Variants in GRK3 observed in about 807,000 individuals in gnomAD.
The protein encoded by GRK3 is G protein-coupled receptor kinase 3.
Under a neutral mutation model 95.7 loss-of-function variants are expected in GRK3, and 54 were observed. The observed-to-expected ratio is 0.56, with a 90% CI of 0.45 to 0.71. The LOEUF is 0.71. GRK3 is among the 30% of genes least tolerant of loss of function. The pLI is 0.00. For missense variants in GRK3, 649 were observed against 851.2 expected (o/e 0.76, Z 2.96); for synonymous variants, 281 against 290.8 (o/e 0.97, Z 0.34).
chr22:25,710,190 T>G (rs1439775729), intron 16 of GRK3, among the ~76,000 whole-genome samples: 44 of 152,222 alleles, frequency 2.9e-4, no homozygotes, highest in Admixed American at 2.9e-3. Flanking sequence ...TCACTCTTCA[T>G]TTCTCTAATA....
chr22:25,626,421 T>C (rs1839636636), intron 2 of GRK3, among the ~76,000 whole-genome samples: 2 of 152,146 alleles, frequency 1.3e-5, no homozygotes, highest in South Asian at 4.1e-4. Flanking sequence ...GCCCTTCCCT[T>C]GTACAGGGAG....
intron 1 of GRK3, among the ~76,000 whole-genome samples, chr22:25,584,121 G>C (rs1449936604): frequency 1.3e-5 from 2 of 152,174 alleles, no homozygotes. Context: ...TACTTTTTCT[G>C]GAAGACTTTG....
chr22:25,605,449 TA>T (rs1005308480), intron 2 of GRK3, among the ~76,000 whole-genome samples: 3 of 152,156 alleles, frequency 2.0e-5, no homozygotes, highest in African/African-American at 7.2e-5. Context: ...GATTTTGTGC[TA>T]AAAAACAAAA....
At chr22:25,661,507 G>A (rs2084909220) in intron 3 of GRK3, 69 bp from the exon 4 acceptor site, 2 of 996,012 alleles carry the variant, frequency 2.0e-6, no homozygotes, top group East Asian at 4.9e-5. Context: ...GCCTGGGCCA[G>A]TAATATATTT....
intron 2 of GRK3, among the ~76,000 whole-genome samples, chr22:25,630,954 G>A (rs574297555): frequency 7.9e-4 from 120 of 152,258 alleles, no homozygotes; most frequent in South Asian, 2.1e-3. Flanking sequence ...AGAAGTAAAA[G>A]TTCCAGTTTG....
intron 12 of GRK3, among the ~76,000 whole-genome samples, chr22:25,692,051 C>G (rs146904087): frequency 1.3e-5 from 2 of 152,140 alleles, no homozygotes; most frequent in African/African-American, 2.4e-5. Flanking sequence ...GCAGCCTCCC[C>G]CTCCCGGGCC....
At chr22:25,677,515 T>G (rs2085041328) in intron 8 of GRK3, among the ~76,000 whole-genome samples, 1 of 151,590 alleles carries the variant, frequency 6.6e-6, no homozygotes, top group African/African-American at 2.4e-5. Flanking sequence ...TTGAAGAACA[T>G]ATCACTTCAT....
At chr22:25,566,909 G>C (rs1181301428) in intron 1 of GRK3, among the ~76,000 whole-genome samples, 2 of 149,454 alleles carry the variant, frequency 1.3e-5, no homozygotes, top group African/African-American at 5.1e-5. Context: ...TTTTTTTTTG[G>C]GGGGGGCTAG....
At chr22:25,672,250 T>G (rs1480176480) in intron 6 of GRK3, 46 bp from the exon 7 acceptor site, 5 of 952,092 alleles carry the variant, frequency 5.3e-6, no homozygotes, top group Admixed American at 4.7e-5. Flanking sequence ...GTAAATCCAG[T>G]TAATTTGATA....
Position 25,690,193 on chromosome 22 carries a change from C to G in GRK3, c.962C>G (p.Ala321Gly). ...RFVVYRDLKP[A>G]NILLDEHGHA... ...GATTATTCTCTTTCTGTTTAGCCAG[C>G]AAATATTCTCTTGGATGAACATGGA... Residue 321 changes from alanine to glycine, a missense_variant, in exon 12 of 21, where the codon GCA becomes GGA. This residue lies in a region of GRK3 where 382 missense variants were observed against 493.8 expected (regional missense o/e 0.77). Coordinates refer to ENST00000324198, the MANE Select transcript of GRK3 (RefSeq NM_005160.4). The G allele has an allele frequency of 6.2e-7, 1 of 1,613,126 alleles. No individual in the cohort carries two copies. The highest frequency in any genetic ancestry group is 8.5e-7 in the Non-Finnish European group (1 of 1,179,266).
chr22:25,599,956 A>G, intron 1 of GRK3, among the ~76,000 whole-genome samples: 1 of 152,194 alleles, frequency 6.6e-6, no homozygotes, highest in East Asian at 1.9e-4. Flanking sequence ...AGTTTTTAAA[A>G]AAGTCATACT....
In GRK3 at chr22:25,709,954, A is replaced by G. The variant is rs745757624; in HGVS notation, c.1385A>G (p.Tyr462Cys). The G allele has an allele frequency of 1.2e-5, 20 of 1,613,046 alleles. No individual in the cohort carries two copies. Among genetic ancestry groups the G allele is most frequent in the Non-Finnish European group, 1.4e-5 (17 of 1,179,136 alleles). ...AAAGGTGTTGACTGGCAGCATGTCT[A>G]CTTACAAAAGGTACTCACTCCCTCT... ...FFKGVDWQHV[Y>C]LQKYPPPLIP... Residue 462 changes from tyrosine to cysteine, a missense_variant, in exon 16 of 21, where the codon TAC becomes TGC. Physicochemically the swap from Tyr to Cys is radical, Grantham distance 194. Around this residue, in one of 3 missense-constraint regions of GRK3, gnomAD observed 382 missense variants for 493.8 expected, o/e 0.77. Coordinates refer to ENST00000324198, the MANE Select transcript of GRK3 (RefSeq NM_005160.4).
intron 1 of GRK3, among the ~76,000 whole-genome samples, chr22:25,600,340 A>C (rs2084401095): frequency 6.6e-6 from 1 of 152,046 alleles, no homozygotes; most frequent in South Asian, 2.1e-4. Context: ...GGGTTTCACC[A>C]TGTTGTCCAT....
At chr22:25,608,542 G>T (rs2084470005) in intron 2 of GRK3, among the ~76,000 whole-genome samples, 1 of 152,232 alleles carries the variant, frequency 6.6e-6, no homozygotes, top group South Asian at 2.1e-4. Flanking sequence ...GAGGAAGTCA[G>T]AAAGATATGA....
chr22:25,584,648 G>A (rs9624877), intron 1 of GRK3, among the ~76,000 whole-genome samples: 1 of 152,288 alleles, frequency 6.6e-6, no homozygotes, highest in South Asian at 2.1e-4. Context: ...TGTTCTATTA[G>A]CAGTTATTGT....
At chr22:25,685,385 T>C in intron 10 of GRK3, 137 bp downstream of exon 10, 1 of 683,250 alleles carries the variant, frequency 1.5e-6, no homozygotes. Flanking sequence ...GAGGAAACCT[T>C]TTACCCTTTA....
intron 1 of GRK3, among the ~76,000 whole-genome samples, chr22:25,566,925 AATATT>A (rs979633987): frequency 6.6e-5 from 10 of 151,644 alleles, no homozygotes; most frequent in Non-Finnish European, 1.3e-4. Context: ...GCTAGTATAT[AATATT>A]AATAAAGTTA....
chr22:25,654,034 G>A (rs1233111679), intron 3 of GRK3, among the ~76,000 whole-genome samples: 1 of 152,158 alleles, frequency 6.6e-6, no homozygotes, highest in Non-Finnish European at 1.5e-5. Context: ...ATCATGTGCT[G>A]AGTCCTAAAG....
chr22:25,654,409 A>T (rs1215636841), intron 3 of GRK3, among the ~76,000 whole-genome samples: 1 of 152,226 alleles, frequency 6.6e-6, no homozygotes, highest in Non-Finnish European at 1.5e-5. Flanking sequence ...GAAAATATAC[A>T]TAAAAATATA....
Sources: allele counts gnomAD v4.1 joint callset (sites outside exome capture counted in the v4.1 genomes callset), GRCh38; gene constraint gnomAD v4.1.1; regional missense constraint gnomAD v4.1.1; transcripts MANE v1.5; gene names NCBI Gene and HGNC (gene_info 2026-07-23, HGNC 2026-07-21).